STK33: variants seen among roughly 807,000 people sequenced by gnomAD.
STK33 encodes serine/threonine-protein kinase 33.
Under a neutral mutation model 58.0 loss-of-function variants are expected in STK33, and 52 were observed. The ratio of observed to expected loss-of-function variants is 0.90; its 90% CI spans 0.72 to 1.13. The LOEUF (loss-of-function observed/expected upper bound fraction) is 1.13. Among genes scored for constraint, STK33 ranks in the 50% most tolerant of loss-of-function variants. The pLI is 0.00. For synonymous variants in STK33, 215 were observed against 200.1 expected, an observed-to-expected ratio of 1.07 and a Z score of -0.63; for missense variants, 630 against 604.2, an observed-to-expected ratio of 1.04 and a Z score of -0.45.
chr11:8,355,827 G>A, the STK33 span, among the ~76,000 whole-genome samples: 12 of 152,194 alleles, frequency 7.9e-5, no homozygotes, highest in South Asian at 2.1e-4. Flanking sequence ...CTGGCATGTC[G>A]GAAGCGCTTC....
At chr11:8,383,817 C>A in the STK33 span, among the ~76,000 whole-genome samples, 1 of 152,314 alleles carries the variant, frequency 6.6e-6, no homozygotes, top group African/African-American at 2.4e-5. Context: ...CAAGATGGTG[C>A]CTTGATACCA....
At chr11:8,495,197 C>T (rs1950961983) in intron 1 of STK33, among the ~76,000 whole-genome samples, 1 of 152,144 alleles carries the variant, frequency 6.6e-6, no homozygotes, top group African/African-American at 2.4e-5. Flanking sequence ...ATCTACCCAT[C>T]TGACAAAGGG....
At chr11:8,547,041 T>C (rs116851234) in intron 1 of STK33, among the ~76,000 whole-genome samples, 5,062 of 152,312 alleles carry the variant, frequency 0.033, 136 homozygotes, top group Non-Finnish European at 0.05. Context: ...AACAGTGCAC[T>C]GGCTTCTCCC....
At chr11:8,562,870 T>C (rs1389748147) in intron 1 of STK33, among the ~76,000 whole-genome samples, 1 of 152,174 alleles carries the variant, frequency 6.6e-6, no homozygotes, top group East Asian at 1.9e-4. Context: ...CCTACCCTCT[T>C]GGAGCTTACA....
intron 14 of STK33, among the ~76,000 whole-genome samples, chr11:8,416,880 G>C (rs913187159): frequency 2.6e-5 from 4 of 152,142 alleles, no homozygotes; most frequent in Non-Finnish European, 5.9e-5. Context: ...TAGAGTCCAG[G>C]CTTTGCCTGT....
At chr11:8,583,780 T>A (rs987518045) in intron 1 of STK33, among the ~76,000 whole-genome samples, 6 of 152,186 alleles carry the variant, frequency 3.9e-5, no homozygotes, top group African/African-American at 1.4e-4. Context: ...TAGATGTAAT[T>A]AAGACTGTTT....
intron 1 of STK33, among the ~76,000 whole-genome samples, chr11:8,532,716 T>C (rs1234905891): frequency 6.6e-6 from 1 of 152,222 alleles, no homozygotes; most frequent in African/African-American, 2.4e-5. Flanking sequence ...TGCAATTGAT[T>C]AGAGATGTCT....
chr11:8,365,591 C>T, the STK33 span, among the ~76,000 whole-genome samples: 22 of 152,164 alleles, frequency 1.4e-4, no homozygotes, highest in African/African-American at 5.3e-4. Context: ...GAGTCTGAAT[C>T]CTATTCCTTG....
intron 1 of STK33, among the ~76,000 whole-genome samples, chr11:8,586,111 G>A (rs1006829422): frequency 6.6e-6 from 1 of 151,820 alleles, no homozygotes; most frequent in African/African-American, 2.4e-5. Flanking sequence ...CAGCTACTCA[G>A]GAGGCTGAGA....
intron 1 of STK33, among the ~76,000 whole-genome samples, chr11:8,496,661 G>A (rs533041358): frequency 3.4e-4 from 51 of 150,270 alleles, no homozygotes; most frequent in Admixed American, 1.1e-3. Flanking sequence ...TGCAAGCTCC[G>A]CCTCCCAGGT....
At chr11:8,554,268 A>C (rs371342781) in intron 1 of STK33, among the ~76,000 whole-genome samples, 1 of 151,006 alleles carries the variant, frequency 6.6e-6, no homozygotes, top group East Asian at 1.9e-4. Flanking sequence ...AAATACAAAA[A>C]ATTAGCCAAG....
At chr11:8,429,070 T>C (rs1253280357) in intron 14 of STK33, among the ~76,000 whole-genome samples, 2 of 152,096 alleles carry the variant, frequency 1.3e-5, no homozygotes, top group African/African-American at 2.4e-5. Flanking sequence ...AGAAGTAGAA[T>C]AGAAAAATAG....
chr11:8,396,819 C>T (rs187948919), intron 15 of STK33, among the ~76,000 whole-genome samples: 154 of 152,324 alleles, frequency 1.0e-3, no homozygotes, highest in African/African-American at 3.7e-3. Context: ...GATTATATCC[C>T]GTGCCTGGCT....
At chr11:8,453,572 C>T (rs1946530211) in intron 10 of STK33, among the ~76,000 whole-genome samples, 1 of 152,212 alleles carries the variant, frequency 6.6e-6, no homozygotes, top group South Asian at 2.1e-4. Context: ...CAACTGTAGG[C>T]CTTCTGCTCA....
rs145711902 is a variant in STK33, at chr11:8,474,989, T to C, written c.-84A>G. 5.7e-3 allele frequency: 7,562 copies of C among 1,334,684 alleles called. 29 individuals carry two copies. Among genetic ancestry groups the C allele is most frequent in the Non-Finnish European group, 6.2e-3 (6,064 of 982,680 alleles). The allele number at this position is 1,334,684 out of a possible 1,614,324, so 82.7% of individuals were successfully genotyped here. On this transcript the variant is annotated 5_prime_UTR_variant, in exon 5 of 16. Transcript: ENST00000687296. ...ACCAGGCCAAAAAGGATAAGGTAGT[T>C]GATGGTGAAAACTGTAATTTCGAAC...
chr11:8,501,092 C>A (rs1253432302), intron 1 of STK33, among the ~76,000 whole-genome samples: 1 of 152,114 alleles, frequency 6.6e-6, no homozygotes, highest in Non-Finnish European at 1.5e-5. Flanking sequence ...TATAAAACTT[C>A]TAGAAGAAAA....
chr11:8,430,836 G>A (rs1028514769), intron 14 of STK33, among the ~76,000 whole-genome samples: 2 of 150,790 alleles, frequency 1.3e-5, no homozygotes, highest in Non-Finnish European at 3.0e-5. Flanking sequence ...ATCCCCAAGT[G>A]TCCTGGCTCA....
chr11:8,382,629 C>G, the STK33 span, among the ~76,000 whole-genome samples: 2 of 152,174 alleles, frequency 1.3e-5, no homozygotes, highest in Admixed American at 6.5e-5. Flanking sequence ...CAGACCACAC[C>G]TGCGCTCACC....
chr11:8,479,289 T>C (rs918150730), intron 2 of STK33, among the ~76,000 whole-genome samples: 5 of 151,870 alleles, frequency 3.3e-5, no homozygotes, highest in African/African-American at 9.7e-5. Context: ...AAAAATTAGC[T>C]GGGTGTGGTG....
Sources: gnomAD v4.1 joint callset for allele counts (sites outside exome capture counted in the v4.1 genomes callset) on GRCh38, gnomAD v4.1.1 for gene constraint, MANE v1.5 for transcripts, NCBI Gene and HGNC (gene_info 2026-07-23, HGNC 2026-07-21) for gene names.